The following GBE1 variants were observed in gnomAD, a reference collection of about 807,000 sequenced individuals.
The protein encoded by GBE1 is 1,4-alpha-glucan-branching enzyme.
GBE1 carries 70 observed loss-of-function variants against 88.8 expected under a neutral mutation model. The ratio of observed to expected loss-of-function variants is 0.79; its 90% CI spans 0.65 to 0.96. GBE1 has a LOEUF of 0.96. GBE1 is among the 40% of genes least tolerant of loss of function. The pLI, the probability that GBE1 is intolerant of heterozygous loss-of-function variation, is 0.00. For synonymous variants in GBE1, 284 were observed against 300.1 expected, an observed-to-expected ratio of 0.95 and a Z score of 0.56; for missense variants, 872 against 871.0, an observed-to-expected ratio of 1.00 and a Z score of -0.01.
intron 12 of GBE1, among the ~76,000 whole-genome samples, chr3:81,569,330 G>A (rs1010699044): frequency 6.6e-6 from 1 of 152,154 alleles, no homozygotes; most frequent in Non-Finnish European, 1.5e-5. Flanking sequence ...TGTAAACTGT[G>A]AAATATGCCA....
chr3:81,627,421 A>T lies in GBE1; in HGVS notation c.992+15360T>A, dbSNP rs75103518. On this transcript the variant is annotated intron_variant, in intron 7 of 15. Coordinates refer to ENST00000429644, the MANE Select transcript of GBE1 (RefSeq NM_000158.4). ...TTGGCTTCGTATAAAGGAGAAAAGCAAACTATGATAATAATGCAATCCAAT... is the reference window on the plus strand; with the variant it reads ...TTGGCTTCGTATAAAGGAGAAAAGCTAACTATGATAATAATGCAATCCAAT... 2.3e-3 allele frequency among the ~76,000 whole-genome samples: 353 copies of T among 152,336 alleles called. 2 individuals are homozygous for T. Among genetic ancestry groups the T allele is most frequent in the African/African-American group, 8.3e-3 (343 of 41,566 alleles).
At chr3:81,745,293 C>T (rs1056580220) in intron 1 of GBE1, among the ~76,000 whole-genome samples, 2 of 151,984 alleles carry the variant, frequency 1.3e-5, no homozygotes, top group African/African-American at 4.8e-5. Context: ...CTTGGTTAAC[C>T]TCATCAGTAT....
chr3:81,501,028 A>C (rs1365952118), intron 14 of GBE1, among the ~76,000 whole-genome samples: 1 of 152,164 alleles, frequency 6.6e-6, no homozygotes, highest in Non-Finnish European at 1.5e-5. Flanking sequence ...CTGGGTGACA[A>C]AAAAATCTGT....
chr3:81,709,047 T>C (rs1439966106), intron 1 of GBE1, among the ~76,000 whole-genome samples: 1 of 152,174 alleles, frequency 6.6e-6, no homozygotes, highest in Non-Finnish European at 1.5e-5. Context: ...AGAAAGAAAC[T>C]GTTGAGATGG....
chr3:81,584,255 C>A (rs186380982), intron 10 of GBE1, among the ~76,000 whole-genome samples: 5 of 152,036 alleles, frequency 3.3e-5, no homozygotes, highest in African/African-American at 9.6e-5. Flanking sequence ...ACATAATTTG[C>A]TTTTGAACAA....
chr3:81,691,713 A>G (rs1330290949), intron 2 of GBE1, among the ~76,000 whole-genome samples: 1 of 152,166 alleles, frequency 6.6e-6, no homozygotes, highest in Non-Finnish European at 1.5e-5. Flanking sequence ...CAGGAGTTGG[A>G]GGCCGCATTA....
intron 7 of GBE1, among the ~76,000 whole-genome samples, chr3:81,641,141 T>C (rs1217646186): frequency 6.6e-6 from 1 of 152,142 alleles, no homozygotes. Flanking sequence ...GTATTTCTTT[T>C]TAAGGTATAA....
Position 81,507,776 on chromosome 3 carries a change from T to C in GBE1, c.1935-8549A>G, listed in dbSNP as rs536691771. ...AAGATCTTCATGCATAAGCTAAATATGCATTCAAATGTGTGAACACTGTCT... is the reference window on the plus strand; with the variant it reads ...AAGATCTTCATGCATAAGCTAAATACGCATTCAAATGTGTGAACACTGTCT... On this transcript the variant is annotated intron_variant, in intron 14 of 15. Transcript: ENST00000429644. Among the ~76,000 whole-genome samples, 4 of 152,246 alleles carry C rather than the reference T, an allele frequency of 2.6e-5. No homozygotes were observed. In the East Asian group the frequency reaches 7.7e-4, roughly 29 times the overall value.
At chr3:81,560,855 T>C (rs1241850561) in intron 12 of GBE1, among the ~76,000 whole-genome samples, 6 of 152,058 alleles carry the variant, frequency 3.9e-5, no homozygotes, top group Admixed American at 3.9e-4. Flanking sequence ...AGTCTTTTTT[T>C]GTTAATTGTA....
intron 9 of GBE1, among the ~76,000 whole-genome samples, chr3:81,588,762 T>G (rs1703834194): frequency 6.6e-6 from 1 of 152,182 alleles, no homozygotes; most frequent in African/African-American, 2.4e-5. Flanking sequence ...TACATTTATT[T>G]CTTACTATAT....
chr3:81,551,226 G>T (rs893630580), intron 12 of GBE1, among the ~76,000 whole-genome samples: 2 of 152,118 alleles, frequency 1.3e-5, no homozygotes, highest in Non-Finnish European at 2.9e-5. Context: ...ATGCTTAATT[G>T]CTTAATATAC....
At chr3:81,676,638 T>C (rs1267052406) in intron 2 of GBE1, among the ~76,000 whole-genome samples, 1 of 152,132 alleles carries the variant, frequency 6.6e-6, no homozygotes, top group Admixed American at 6.5e-5. Flanking sequence ...TCTGTATTTT[T>C]CTTTATTTTC....
intron 2 of GBE1, among the ~76,000 whole-genome samples, chr3:81,680,232 G>A (rs1444948788): frequency 6.6e-6 from 1 of 152,156 alleles, no homozygotes; most frequent in Non-Finnish European, 1.5e-5. Context: ...AGTGGCTCAC[G>A]CCCGTAAACC....
At chr3:81,737,321 TTA>T (rs1345655564) in intron 1 of GBE1, among the ~76,000 whole-genome samples, 11 of 106,148 alleles carry the variant, frequency 1.0e-4, no homozygotes, top group African/African-American at 1.6e-4. Context: ...TTATATATAT[TTA>T]TATATATTTT....
chr3:81,500,530 T>C (rs2106811900), intron 14 of GBE1, among the ~76,000 whole-genome samples: 1 of 152,304 alleles, frequency 6.6e-6, no homozygotes, highest in East Asian at 1.9e-4. Flanking sequence ...TCTAGAATAC[T>C]TTAAAAAACA....
intron 1 of GBE1, among the ~76,000 whole-genome samples, chr3:81,738,798 A>G (rs980555341): frequency 1.3e-5 from 2 of 152,302 alleles, no homozygotes; most frequent in Admixed American, 1.3e-4. Context: ...TGGTATTATT[A>G]TCCTCATGTT....
chr3:81,549,257 T>C (rs1202031735), intron 12 of GBE1, among the ~76,000 whole-genome samples: 1 of 151,294 alleles, frequency 6.6e-6, no homozygotes, highest in Admixed American at 6.6e-5. Flanking sequence ...CTCGAACTCC[T>C]GACCTTGTGA....
chr3:81,496,570 T>C (rs370271838), intron 15 of GBE1, among the ~76,000 whole-genome samples: 75 of 152,302 alleles, frequency 4.9e-4, no homozygotes, highest in African/African-American at 1.7e-3. Context: ...GAGGTATGAG[T>C]GATCTCACTG....
intron 14 of GBE1, among the ~76,000 whole-genome samples, chr3:81,504,610 T>C (rs1702630624): frequency 6.6e-6 from 1 of 152,176 alleles, no homozygotes; most frequent in South Asian, 2.1e-4. Context: ...AAGTATTTGA[T>C]ATATCTATCA....
Sources: allele counts gnomAD v4.1 joint callset (sites outside exome capture counted in the v4.1 genomes callset), GRCh38; gene constraint gnomAD v4.1.1; transcripts MANE v1.5; gene names NCBI Gene and HGNC (gene_info 2026-07-23, HGNC 2026-07-21).